The following CILP variants were observed in gnomAD, a reference collection of about 807,000 sequenced individuals.
CILP encodes the protein cartilage intermediate layer protein, also known as cartilage intermediate layer protein 1.
In CILP, 75 loss-of-function variants were observed where a neutral mutation model predicts 82.5. That is an observed-to-expected ratio of 0.91 (90% CI 0.75 to 1.10). The LOEUF is 1.10. CILP is among the 50% of genes least tolerant of loss of function. The probability of loss-of-function intolerance (pLI) is 0.00; values close to 1 mark genes in which losing one functional copy is unlikely to be tolerated. For synonymous variants in CILP, 530 were observed against 580.3 expected (o/e 0.91, Z 1.25); for missense variants, 1,479 against 1,530.8 (o/e 0.97, Z 0.56).
chr15:65,201,768 A>G (rs1425817461), intron 8 of CILP, 104 bp downstream of exon 8: 1 of 658,898 alleles, frequency 1.5e-6, no homozygotes, highest in Non-Finnish European at 2.2e-6. Flanking sequence ...AGAAAAGAAA[A>G]GAAAAAAGAA....
chr15:65,196,169 A>T lies in CILP; in HGVS notation c.*562T>A, dbSNP rs1333002577. 1 of 152,294 alleles carries T rather than the reference A, an allele frequency of 6.6e-6. No individual in the cohort carries two copies. The highest frequency in any genetic ancestry group is 1.9e-4 in the East Asian group (1 of 5,202). 9.4% of individuals were successfully genotyped at this position (152,294 alleles called of 1,614,324 possible). On this transcript the variant is annotated 3_prime_UTR_variant, in exon 9 of 9. Transcript: ENST00000261883. ...TTCCAGACTTGGTAGAGGAACTATG[A>T]TCACCCTATATTTAATAGCTTAACT...
chr15:65,202,100 G>A, intron 7 of CILP, 71 bp from the exon 8 acceptor site: 2 of 1,326,976 alleles, frequency 1.5e-6, no homozygotes, highest in Non-Finnish European at 2.0e-6. Context: ...AGTGCCAGGA[G>A]CAGGCAGCCA....
At chr15:65,203,586 C>T (rs2088484953) in intron 6 of CILP, 116 bp from the exon 7 acceptor site, 1 of 687,766 alleles carries the variant, frequency 1.5e-6, no homozygotes, top group Non-Finnish European at 2.5e-6. Context: ...GGCTTCACCC[C>T]TACCCCCAGC....
chr15:65,211,093 T>G (rs1566998724), intron 1 of CILP, among the ~76,000 whole-genome samples: 1 of 152,154 alleles, frequency 6.6e-6, no homozygotes, highest in Non-Finnish European at 1.5e-5. Flanking sequence ...CCCTGATGGT[T>G]AGGCTTGCCA....
chr15:65,204,670 G>A (rs1355383522), intron 5 of CILP, 88 bp from the exon 6 acceptor site: 2 of 1,332,548 alleles, frequency 1.5e-6, no homozygotes, highest in Non-Finnish European at 2.0e-6. Context: ...CTCCTCCTTG[G>A]CCTTTGCTAC....
chr15:65,205,343 G>C lies in CILP; in HGVS notation c.548C>G (p.Ser183Trp). 6.2e-7 allele frequency: 1 copy of C among 1,614,062 alleles called. No homozygotes were observed. The highest frequency in any genetic ancestry group is 8.5e-7 in the Non-Finnish European group (1 of 1,180,046). The change falls in exon 5 of 9, where the codon TCG (serine) becomes TGG (tryptophan). Residue 183 changes from serine to tryptophan, a missense_variant. Ser to Trp is a radical substitution (Grantham distance 177). Transcript: ENST00000261883. ...CTCTTCGCTGGCCTCACTGCACAGC[G>C]ACACCATCTCTGCCAAGCAAATGCG... ...RTRICLAEMVSLCSEASEEGQ... is the reference protein window; with the variant it reads ...RTRICLAEMVWLCSEASEEGQ...
Position 65,204,466 on chromosome 15 carries a change from C to A in CILP, c.721G>T (p.Ala241Ser), listed in dbSNP as rs776641310. 5.0e-6 allele frequency: 8 copies of A among 1,613,898 alleles called. No homozygotes were observed. In the Admixed American group the frequency reaches 1.3e-4, roughly 27 times the overall value. ...GTCTTGGTCAGGAGGTAGATAGCAG[C>A]CCCTGAGGCTGGGGCACCTCCGGGA... Reference protein sequence around the residue: ...SLPGGAPASGAAIYLLTKTPK... With the variant: ...SLPGGAPASGSAIYLLTKTPK... Residue 241 changes from alanine to serine, a missense_variant, in exon 6 of 9, where the codon GCT becomes TCT. Physicochemically the swap from Ala to Ser is moderately conservative, Grantham distance 99. Transcript: ENST00000261883.
Position 65,207,049 on chromosome 15 carries a change from G to C in CILP, c.157C>G (p.Pro53Ala). ...FAKPADTLES[P>A]GEWTTWFNID... Reference sequence around the variant, plus strand: ...TTGAACCATGTTGTCCACTCACCAGGGCCTGAGAGACATAGCCAAATTGCG... The same window carrying C: ...TTGAACCATGTTGTCCACTCACCAGCGCCTGAGAGACATAGCCAAATTGCG... The change falls in exon 4 of 9, where the codon CCT becomes GCT. Residue 53 changes from proline (P) to alanine (A), a missense_variant and splice_region_variant. By Grantham distance (27) the Pro-to-Ala change is conservative. Coordinates refer to ENST00000261883, the MANE Select transcript of CILP (RefSeq NM_003613.4). 1 of 1,609,386 alleles carries C rather than the reference G, an allele frequency of 6.2e-7. No individual in the cohort carries two copies. The highest frequency in any genetic ancestry group is 8.5e-7 in the Non-Finnish European group (1 of 1,177,170).
chr15:65,200,003 G>A (rs2088430408), intron 8 of CILP, among the ~76,000 whole-genome samples: 1 of 152,056 alleles, frequency 6.6e-6, no homozygotes, highest in Non-Finnish European at 1.5e-5. Context: ...ATTACCCAAG[G>A]ACTGTGAATG....
At chr15:65,201,399 C>T (rs528845872) in intron 8 of CILP, among the ~76,000 whole-genome samples, 2 of 152,032 alleles carry the variant, frequency 1.3e-5, no homozygotes, top group African/African-American at 4.8e-5. Context: ...TCTGTACCAT[C>T]GTTATGTCCT....
intron 2 of CILP, among the ~76,000 whole-genome samples, chr15:65,208,922 A>G (rs1401504198): frequency 6.7e-6 from 1 of 149,434 alleles, no homozygotes; most frequent in East Asian, 2.0e-4. Flanking sequence ...AGGCACATAC[A>G]GGGGTTGGCT....
At chr15:65,209,624 A>C in intron 2 of CILP, 71 bp downstream of exon 2, 4 of 1,458,620 alleles carry the variant, frequency 2.7e-6, no homozygotes, top group Non-Finnish European at 3.9e-6. Flanking sequence ...TGCATAGTTC[A>C]GTCCCAGACC....
At chr15:65,211,066 C>T (rs140649980) in intron 1 of CILP, among the ~76,000 whole-genome samples, 9 of 152,330 alleles carry the variant, frequency 5.9e-5, no homozygotes, top group East Asian at 1.9e-4. Flanking sequence ...GCATCTCCGC[C>T]GTTTCCTCAG....
Position 65,199,055 on chromosome 15 carries a change from T to A in CILP, c.1231A>T (p.Ile411Phe). The change falls in exon 9 of 9, where the codon ATC (isoleucine) becomes TTC (phenylalanine). Residue 411 changes from isoleucine to phenylalanine, a missense_variant. Physicochemically the swap from Ile to Phe is conservative, Grantham distance 21. Coordinates refer to ENST00000261883, the MANE Select transcript of CILP (RefSeq NM_003613.4). ...TGAAAGCAATCATGGGGCAGCCGGA[T>A]AAGATAGCTCTCAGGAACTGGGTTG... ...PCNPVPESYL[I>F]RLPHDCFQNA... is the part of the protein sequence containing the mutation. The A allele has an allele frequency of 6.2e-7, 1 of 1,601,080 alleles. No individual in the cohort carries two copies.
At position 65,204,515 on chromosome 15, in the gene CILP, G is replaced by C; in HGVS notation, c.672C>G (p.Phe224Leu). 1 of 1,613,858 alleles carries C rather than the reference G, an allele frequency of 6.2e-7. No homozygotes were observed. The highest frequency in any genetic ancestry group is 8.5e-7 in the Non-Finnish European group (1 of 1,179,940). The change falls in exon 6 of 9, where the codon TTC (phenylalanine) becomes TTG (leucine). Residue 224 changes from phenylalanine (F) to leucine (L), a missense_variant. Physicochemically the swap from Phe to Leu is conservative, Grantham distance 22. Coordinates refer to ENST00000261883, the MANE Select transcript of CILP (RefSeq NM_003613.4). Reference sequence around the variant, plus strand: ...GAAGGGAGACAGCCCCATGAAGCATGAAGTCCTGGCACATGCAGGCATCAC... The same window carrying C: ...GAAGGGAGACAGCCCCATGAAGCATCAAGTCCTGGCACATGCAGGCATCAC... Reference protein sequence around the residue: ...ADCDACMCQDFMLHGAVSLPG... With the variant: ...ADCDACMCQDLMLHGAVSLPG...
Position 65,198,428 on chromosome 15 carries a change from C to G in CILP, c.1858G>C (p.Val620Leu). 1.2e-6 allele frequency: 2 copies of G among 1,614,260 alleles called. No homozygotes were observed. The highest frequency in any genetic ancestry group is 1.7e-6 in the Non-Finnish European group (2 of 1,180,036). Residue 620 changes from valine (V) to leucine (L), a missense_variant, in exon 9 of 9, where the codon GTG (valine) becomes CTG (leucine). Transcript: ENST00000261883. ...TCCAGGAAGGTCACACTGGCCTTCA[C>G]TTTTCCTATGTAGGGCTCCCCATTC... ...RQNGEPYIGKVKASVTFLDPR... is the reference protein window; with the variant it reads ...RQNGEPYIGKLKASVTFLDPR...
At position 65,196,978 on chromosome 15, in the gene CILP, G is replaced by A; in HGVS notation, c.3308C>T (p.Ser1103Phe). Residue 1103 changes from serine to phenylalanine, a missense_variant, in exon 9 of 9, where the codon TCC becomes TTC. Coordinates refer to ENST00000261883, the MANE Select transcript of CILP (RefSeq NM_003613.4). ...CACATTGCTCTTCATGATTCTGGAG[G>A]AGCCATCGGATGTGCCATCAAAGCA... ...GRCFDGTSDG[S>F]SRIMKSNVGV... 1 of 1,614,122 alleles carries A rather than the reference G, an allele frequency of 6.2e-7. No homozygotes were observed. The highest frequency in any genetic ancestry group is 8.5e-7 in the Non-Finnish European group (1 of 1,180,006).
chr15:65,199,172 C>G, intron 8 of CILP, 73 bp from the exon 9 acceptor site: 1 of 1,037,498 alleles, frequency 9.6e-7, no homozygotes, highest in Non-Finnish European at 1.4e-6. Flanking sequence ...AACCTCACCT[C>G]TCTACAGTAT....
rs754836865 is a variant in CILP, at chr15:65,196,944, G to A, written c.3342C>T (p.Ala1114=). The change falls in exon 9 of 9, where the codon GCC becomes GCT. Residue 1114 remains alanine, a synonymous_variant. Coordinates refer to ENST00000261883, the MANE Select transcript of CILP (RefSeq NM_003613.4). ...GCCTCTCTACACAGTTGAAGGTGAG[G>A]GCTACTCCCACATTGCTCTTCATGA... ...SRIMKSNVGV[A]LTFNCVERQV... is the part of the protein sequence containing the mutation. 1 of 1,613,756 alleles carries A rather than the reference G, an allele frequency of 6.2e-7. No individual in the cohort carries two copies. Among genetic ancestry groups the A allele is most frequent in the South Asian group, 1.1e-5 (1 of 90,980 alleles).
Sources: allele counts gnomAD v4.1 joint callset (sites outside exome capture counted in the v4.1 genomes callset), GRCh38; gene constraint gnomAD v4.1.1; transcripts MANE v1.5; gene names NCBI Gene and HGNC (gene_info 2026-07-23, HGNC 2026-07-21).